The following SPTBN5 variants were observed in gnomAD, a reference collection of about 807,000 sequenced individuals.
The protein encoded by SPTBN5 is spectrin beta, non-erythrocytic 5.
In SPTBN5, 513 loss-of-function variants were observed where a neutral mutation model predicts 477.6. The observed-to-expected ratio is 1.07, with a 90% CI of 1.00 to 1.16. SPTBN5 has a LOEUF of 1.16. SPTBN5 is among the 50% of genes most tolerant of loss of function. The pLI, the probability that SPTBN5 is intolerant of heterozygous loss-of-function variation, is 0.00. For synonymous variants in SPTBN5, 2,169 were observed against 2,011.7 expected (o/e 1.08, Z -2.09); for missense variants, 5,062 against 4,731.8 (o/e 1.07, Z -2.05).
intron 23 of SPTBN5, 143 bp downstream of exon 23, chr15:41,874,699 G>GCCC: frequency 1.1e-6 from 1 of 931,986 alleles, no homozygotes; most frequent in Non-Finnish European, 1.6e-6. Context: ...GAAGCATAAT[G>GCCC]GGGTCTCCGA....
At chr15:41,860,184 C>T (rs2140924288) in intron 47 of SPTBN5, among the ~76,000 whole-genome samples, 1 of 152,344 alleles carries the variant, frequency 6.6e-6, no homozygotes, top group South Asian at 2.1e-4. Flanking sequence ...TGAGGCTCAG[C>T]TGCCGAGAGG....
At chr15:41,872,044 C>T (rs1484253046) in intron 27 of SPTBN5, 127 bp from the exon 28 acceptor site, 19 of 1,265,114 alleles carry the variant, frequency 1.5e-5, no homozygotes, top group Middle Eastern at 2.3e-4. Flanking sequence ...CTGCGGCTCA[C>T]GATTCAGGGA....
In SPTBN5 at chr15:41,851,935, T is replaced by C. The variant is rs148559070; in HGVS notation, c.10585-85A>G. On this transcript the variant is annotated intron_variant, in intron 62 of 67. Coordinates refer to ENST00000320955, the MANE Select transcript of SPTBN5 (RefSeq NM_016642.4). ...AGGCACCCACTGCCCCCAGCTCTCT[T>C]TATTCCTCCCATCCAAGTACTAACC... 2.5e-5 allele frequency: 28 copies of C among 1,129,008 alleles called. No homozygotes were observed. The Admixed American group carries it at 3.3e-4, about 13-fold the overall frequency. 69.9% of individuals were successfully genotyped at this position (1,129,008 alleles called of 1,614,324 possible). A position where few individuals can be genotyped will look rare whatever the true frequency, so the allele number is the denominator to read the frequency against.
chr15:41,862,091 T>C, intron 44 of SPTBN5, 39 bp downstream of exon 44: 1 of 1,511,188 alleles, frequency 6.6e-7, no homozygotes, highest in Non-Finnish European at 8.9e-7. Context: ...AGGGCGGAGC[T>C]GAGAGCCTGG....
chr15:41,871,882 T>A lies in SPTBN5; in HGVS notation c.5201A>T (p.Glu1734Val), dbSNP rs745481282. Residue 1734 changes from glutamate (E) to valine (V), a missense_variant, in exon 28 of 68, where the codon GAG becomes GTG. Glu to Val is a moderately radical substitution (Grantham distance 121, BLOSUM62 -2). Coordinates refer to ENST00000320955, the MANE Select transcript of SPTBN5 (RefSeq NM_016642.4). ...RELEGTLRLH[E>V]FLREAEDLQG... ...CAGGTCCTCAGCCTCCCTCAGGAAC[T>A]CATGCAGCCTCAGGGTCCCCTCCAG... 1 of 1,585,550 alleles carries A rather than the reference T, an allele frequency of 6.3e-7. No homozygotes were observed. The highest frequency in any genetic ancestry group is 1.8e-5 in the Admixed American group (1 of 56,530).
intron 57 of SPTBN5, 87 bp downstream of exon 57, chr15:41,853,962 GC>G: frequency 5.4e-6 from 8 of 1,472,430 alleles, no homozygotes; most frequent in Non-Finnish European, 7.2e-6. Flanking sequence ...GCTGAAGCAG[GC>G]TGGGGTGGGA....
rs1462892065 is a variant in SPTBN5 at position 41,852,971 on chromosome 15, C to T, written c.10200G>A (p.Gly3400=). ...AAGCCTCCTCCAGCTCCTGCAGCCG[C>T]CCTTCCAGCTCCTGCAGGCACTCTG... ...EVTECLQELE[G]RLQELEEAWA... Residue 3400 remains glycine (G), a synonymous_variant, in exon 60 of 68, where the codon GGG becomes GGA. Transcript: ENST00000320955. 6.4e-7 allele frequency: 1 copy of T among 1,561,270 alleles called. No individual in the cohort carries two copies.
rs769079324 is a variant in SPTBN5, at chr15:41,862,859, G to T, written c.7194C>A (p.Ser2398Arg). 6.3e-7 allele frequency: 1 copy of T among 1,590,478 alleles called. No individual in the cohort carries two copies. The highest frequency in any genetic ancestry group is 8.6e-7 in the Non-Finnish European group (1 of 1,169,250). The change falls in exon 42 of 68, where the codon AGC (serine) becomes AGA (arginine). Residue 2398 changes from serine (S) to arginine (R), a missense_variant. Coordinates refer to ENST00000320955, the MANE Select transcript of SPTBN5 (RefSeq NM_016642.4). ...CGTGTTTCCGCAGCAGCCTCTGCAC[G>T]CTCTCCAGATCTTTCCCACAGTCCA... ...QALDCGKDLE[S>R]VQRLLRKHEE...
intron 26 of SPTBN5, 67 bp from the exon 27 acceptor site, chr15:41,872,526 C>G: frequency 1.3e-6 from 2 of 1,489,528 alleles, no homozygotes; most frequent in East Asian, 2.5e-5. Flanking sequence ...GTCCGTCCCC[C>G]ACCCATCCAG....
Position 41,856,452 on chromosome 15 carries a change from C to A in SPTBN5, c.8955G>T (p.Arg2985=). Residue 2985 remains arginine, a synonymous_variant, in exon 53 of 68, where the codon CGG becomes CGT. Coordinates refer to ENST00000320955, the MANE Select transcript of SPTBN5 (RefSeq NM_016642.4). Reference sequence around the variant, plus strand: ...GAAGCCGCCTCCGCGCCGCCTCTGCCCGCAGGTGGGCCATGGCCTTCTCCA... The same window carrying A: ...GAAGCCGCCTCCGCGCCGCCTCTGCACGCAGGTGGGCCATGGCCTTCTCCA... ...QQLEKAMAHL[R]AEAARRRLLL... is the part of the protein sequence containing the mutation. 6.3e-7 allele frequency: 1 copy of A among 1,596,156 alleles called. No individual in the cohort carries two copies. The highest frequency in any genetic ancestry group is 8.5e-7 in the Non-Finnish European group (1 of 1,172,114).
rs767252565 is a variant in SPTBN5 at position 41,881,935 on chromosome 15, C to A, written c.2457+1G>T. ...GCGCCCTTCCCTGTCCCCGTCCTCA[C>A]CGTGAATAACGACGCCCGGGCCGAG... On this transcript the variant is annotated splice_donor_variant, in intron 12 of 67. Coordinates refer to ENST00000320955, the MANE Select transcript of SPTBN5 (RefSeq NM_016642.4). LOFTEE classifies it high-confidence loss of function. 7 of 1,528,584 alleles carry A rather than the reference C, an allele frequency of 4.6e-6. No individual in the cohort carries two copies. The highest frequency in any genetic ancestry group is 6.1e-6 in the Non-Finnish European group (7 of 1,146,526). 94.7% of individuals were successfully genotyped at this position (1,528,584 alleles called of 1,614,324 possible).
chr15:41,881,590 C>G (rs1375477610), intron 12 of SPTBN5, among the ~76,000 whole-genome samples: 6 of 152,316 alleles, frequency 3.9e-5, no homozygotes, highest in African/African-American at 1.4e-4. Context: ...CCCAAACCAA[C>G]AAGGCGGGCT....
At chr15:41,879,983 C>T in intron 14 of SPTBN5, 119 bp from the exon 15 acceptor site, 5 of 1,458,792 alleles carry the variant, frequency 3.4e-6, no homozygotes, top group Non-Finnish European at 4.6e-6. Context: ...CTGCCTGCCC[C>T]TGGAAAGACA....
At chr15:41,862,340 C>T in intron 43 of SPTBN5, 48 bp from the exon 44 acceptor site, 8 of 1,551,196 alleles carry the variant, frequency 5.2e-6, no homozygotes, top group Non-Finnish European at 7.0e-6. Context: ...AAACCCCTCT[C>T]CCCCATGCCC....
chr15:41,861,695 G>C (rs186324989), intron 45 of SPTBN5, 40 bp downstream of exon 45: 3 of 1,517,258 alleles, frequency 2.0e-6, no homozygotes, highest in Non-Finnish European at 2.6e-6. Flanking sequence ...GGCCCTGTTC[G>C]GGGGGGCAAG....
In SPTBN5 at chr15:41,857,701, T is replaced by C. The variant is rs1371686059; in HGVS notation, c.8236A>G (p.Arg2746Gly). Residue 2746 changes from arginine (R) to glycine (G), a missense_variant, in exon 50 of 68, where the codon AGG (arginine) becomes GGG (glycine). Arg to Gly is a moderately radical substitution (Grantham distance 125). Coordinates refer to ENST00000320955, the MANE Select transcript of SPTBN5 (RefSeq NM_016642.4). ...QQQELQREGQ[R>G]LLQGGHPASE... ...GCTGGGTGGCCCCCCTGCAGCAGCC[T>C]CTGTCCCTCCTGCAGCCACAACATG... 4.4e-6 allele frequency: 7 copies of C among 1,574,566 alleles called. No individual in the cohort carries two copies. Among genetic ancestry groups the C allele is most frequent in the Admixed American group, 3.6e-5 (2 of 55,014 alleles).
chr15:41,871,336 C>A, intron 29 of SPTBN5, 39 bp downstream of exon 29: 1 of 1,382,290 alleles, frequency 7.2e-7, no homozygotes, highest in Non-Finnish European at 9.4e-7. Flanking sequence ...CAGCTCCTTC[C>A]CCCAAACCCC....
chr15:41,877,457 A>G (rs1171016041), intron 17 of SPTBN5, 101 bp from the exon 18 acceptor site: 2 of 1,458,462 alleles, frequency 1.4e-6, no homozygotes, highest in Non-Finnish European at 1.8e-6. Flanking sequence ...ATCATGAATG[A>G]GACACTGAAT....
rs1016909202 is a variant in SPTBN5, at chr15:41,851,227, C to T, written c.10743+56G>A. 10 of 1,561,534 alleles carry T rather than the reference C, an allele frequency of 6.4e-6. No individual in the cohort carries two copies. In the East Asian group the frequency reaches 1.4e-4, roughly 22 times the overall value. ...GTGGGGTCCCTCTGTCCTGGGGCCC[C>T]TCTGCCTTGCTTCCCAGCACCCTGA... On this transcript the variant is annotated intron_variant, in intron 64 of 67. Coordinates refer to ENST00000320955, the MANE Select transcript of SPTBN5 (RefSeq NM_016642.4).
Sources: allele counts gnomAD v4.1 joint callset (sites outside exome capture counted in the v4.1 genomes callset), GRCh38; gene constraint gnomAD v4.1.1; transcripts MANE v1.5; gene names NCBI Gene and HGNC (gene_info 2026-07-23, HGNC 2026-07-21).